Variants in COL4A1 observed in about 807,000 individuals in gnomAD.
COL4A1 encodes collagen alpha-1(IV) chain.
In COL4A1, 40 loss-of-function variants were observed where a neutral mutation model predicts 216.6. The ratio of observed to expected loss-of-function variants is 0.18; its 90% CI spans 0.14 to 0.24. COL4A1 has a LOEUF of 0.24. Ranked by LOEUF, COL4A1 falls within the 10% of genes least tolerant of loss-of-function variation. The pLI, the probability that COL4A1 is intolerant of heterozygous loss-of-function variation, is 1.00. For synonymous variants in COL4A1, 839 were observed against 810.7 expected, an observed-to-expected ratio of 1.03 and a Z score of -0.59; for missense variants, 1,628 against 2,196.8, an observed-to-expected ratio of 0.74 and a Z score of 5.18.
chr13:110,297,953 C>T (rs1351689693), intron 1 of COL4A1, among the ~76,000 whole-genome samples: 6 of 151,436 alleles, frequency 4.0e-5, no homozygotes, highest in African/African-American at 1.5e-4. Context: ...AGAAATGGGC[C>T]TTTGGTTACA....
chr13:110,195,261 T>C, intron 21 of COL4A1, 143 bp from the exon 22 acceptor site: 2 of 745,594 alleles, frequency 2.7e-6, no homozygotes, highest in East Asian at 2.7e-5. Flanking sequence ...AAAATCATCT[T>C]AGGCTATCCA....
intron 10 of COL4A1, chr13:110,209,741 C>A: frequency 2.6e-6 from 2 of 755,892 alleles, no homozygotes; most frequent in Non-Finnish European, 4.8e-6. Context: ...ACCATGACTG[C>A]ATTATTTGTT....
intron 17 of COL4A1, 115 bp from the exon 18 acceptor site, chr13:110,203,722 T>C: frequency 2.7e-6 from 3 of 1,120,686 alleles, no homozygotes; most frequent in Non-Finnish European, 4.1e-6. Flanking sequence ...AAATTAAAAC[T>C]ATTTTTCTCT....
At chr13:110,301,867 C>T (rs768919283) in intron 1 of COL4A1, among the ~76,000 whole-genome samples, 4 of 152,192 alleles carry the variant, frequency 2.6e-5, no homozygotes, top group African/African-American at 9.7e-5. Context: ...AGGGAATGCA[C>T]AGCCAAGCCA....
chr13:110,306,487 C>G (rs1163874867), intron 1 of COL4A1, among the ~76,000 whole-genome samples: 1 of 152,174 alleles, frequency 6.6e-6, no homozygotes, highest in African/African-American at 2.4e-5. Context: ...GAGAAATACG[C>G]CCAAAGCTGC....
intron 41 of COL4A1, among the ~76,000 whole-genome samples, chr13:110,171,713 G>A (rs1250935503): frequency 6.6e-6 from 1 of 152,208 alleles, no homozygotes; most frequent in Admixed American, 6.5e-5. Context: ...AAAACGCAAG[G>A]TGCTGCGTAG....
chr13:110,240,814 T>C (rs1473164455), intron 2 of COL4A1, among the ~76,000 whole-genome samples: 1 of 152,140 alleles, frequency 6.6e-6, no homozygotes, highest in African/African-American at 2.4e-5. Flanking sequence ...TTTTGATGAG[T>C]GGATTTTTGG....
At chr13:110,256,395 A>G (rs1378459160) in intron 1 of COL4A1, among the ~76,000 whole-genome samples, 1 of 152,242 alleles carries the variant, frequency 6.6e-6, no homozygotes, top group Admixed American at 6.5e-5. Context: ...TGAAGACAGC[A>G]GAGGAGGATG....
chr13:110,268,010 C>A lies in COL4A1; in HGVS notation c.85-25276G>T, dbSNP rs902273921. On this transcript the variant is annotated intron_variant, in intron 1 of 51. Transcript: ENST00000375820. The surrounding 1 kb of genome is among the most constrained non-coding windows in gnomAD (Gnocchi z 4.1). ...ATCAACACCTAGAACACAGCTGCCC[C>A]CCTCAAAAAAAAAATACAGAAAAAA... is the stretch of plus-strand genomic sequence containing the variant. 9.0e-6 allele frequency among the ~76,000 whole-genome samples: 1 copy of A among 111,270 alleles called. No homozygotes were observed. Among genetic ancestry groups the A allele is most frequent in the Non-Finnish European group, 2.2e-5 (1 of 44,974 alleles). The allele number at this position is 111,270 out of a possible 152,430, so 73.0% of individuals were successfully genotyped here. A position where few individuals can be genotyped will look rare whatever the true frequency, so the allele number is the denominator to read the frequency against.
chr13:110,236,342 A>ATTTTTCTTC (rs1377549915), intron 2 of COL4A1, among the ~76,000 whole-genome samples: 1 of 152,142 alleles, frequency 6.6e-6, no homozygotes, highest in Non-Finnish European at 1.5e-5. Context: ...TACAGATAAT[A>ATTTTTCTTC]TTTTTCTTCT....
chr13:110,212,810 A>G (rs948689441), intron 4 of COL4A1, among the ~76,000 whole-genome samples, 192 bp from the exon 5 acceptor site: 2 of 152,334 alleles, frequency 1.3e-5, no homozygotes, highest in African/African-American at 4.8e-5. Flanking sequence ...TACAGGAGCA[A>G]TGCTACACCC....
chr13:110,166,679 A>C (rs1463896588), intron 44 of COL4A1, among the ~76,000 whole-genome samples: 1 of 152,206 alleles, frequency 6.6e-6, no homozygotes, highest in Non-Finnish European at 1.5e-5. Flanking sequence ...CATGCAGCCA[A>C]CTGTAAAATG....
intron 21 of COL4A1, 131 bp downstream of exon 21, chr13:110,198,336 A>G: frequency 1.1e-6 from 1 of 925,700 alleles, no homozygotes; most frequent in Non-Finnish European, 1.7e-6. Flanking sequence ...AGGAATATGG[A>G]TGATTAGAAG....
rs1399873799 is a variant in COL4A1, at chr13:110,268,658, C to G, written c.85-25924G>C. 6.6e-6 allele frequency among the ~76,000 whole-genome samples: 1 copy of G among 152,216 alleles called. No homozygotes were observed. The highest frequency in any genetic ancestry group is 1.5e-5 in the Non-Finnish European group (1 of 68,038). On this transcript the variant is annotated intron_variant, in intron 1 of 51. Transcript: ENST00000375820. This position sits in a 1 kb window ranked among gnomAD's most constrained non-coding sequence, Gnocchi z 4.1. The stretch of plus-strand genomic sequence containing the variant: ...GCTGGCCATTGGCTGCATGGCTTGC[C>G]AAGGGGCTCTACCTCTCCAAACCCG...
chr13:110,156,163 G>T (rs1397698610), intron 49 of COL4A1, among the ~76,000 whole-genome samples: 1 of 152,200 alleles, frequency 6.6e-6, no homozygotes, highest in Non-Finnish European at 1.5e-5. Context: ...CTCTAACAGT[G>T]GCTCTCCTGG....
chr13:110,156,639 A>G (rs575980739), intron 49 of COL4A1, among the ~76,000 whole-genome samples: 5 of 152,216 alleles, frequency 3.3e-5, no homozygotes, highest in Non-Finnish European at 5.9e-5. Context: ...GACCCTCTCA[A>G]TGAAGGGAAC....
At chr13:110,284,446 G>A (rs1883759740) in intron 1 of COL4A1, among the ~76,000 whole-genome samples, 1 of 152,280 alleles carries the variant, frequency 6.6e-6, no homozygotes, top group Non-Finnish European at 1.5e-5. Context: ...TGGTTTTAAC[G>A]TCTTGAGAAG....
intron 1 of COL4A1, among the ~76,000 whole-genome samples, chr13:110,284,758 C>G (rs1344774165): frequency 3.2e-4 from 49 of 152,152 alleles, no homozygotes; most frequent in Admixed American, 3.1e-3. Flanking sequence ...CTAATCAGAA[C>G]AGTAAGGCAA....
chr13:110,224,574 C>T (rs766688995), intron 2 of COL4A1, among the ~76,000 whole-genome samples: 2 of 152,192 alleles, frequency 1.3e-5, no homozygotes, highest in Non-Finnish European at 2.9e-5. Flanking sequence ...CCGCCAGCCT[C>T]GGCCTCCCAA....
Sources: allele counts gnomAD v4.1 joint callset (sites outside exome capture counted in the v4.1 genomes callset), GRCh38; gene constraint gnomAD v4.1.1; non-coding constraint Gnocchi (gnomAD v3.1); transcripts MANE v1.5; gene names NCBI Gene and HGNC (gene_info 2026-07-23, HGNC 2026-07-21).